Variants in CD4 observed in about 807,000 individuals in gnomAD.
CD4 encodes the protein T-cell surface glycoprotein CD4.
In CD4, 25 loss-of-function variants were observed where a neutral mutation model predicts 50.5. The observed-to-expected ratio is 0.49, with a 90% confidence interval of 0.36 to 0.69. The LOEUF (loss-of-function observed/expected upper bound fraction) is 0.69. Among genes scored for constraint, CD4 ranks in the 30% least tolerant of loss-of-function variants. The pLI, the probability that CD4 is intolerant of heterozygous loss-of-function variation, is 0.00. For synonymous variants in CD4, 207 were observed against 221.9 expected (o/e 0.93, Z 0.60); for missense variants, 456 against 548.5 (o/e 0.83, Z 1.68).
At chr12:6,797,603 G>A (rs149992500) in intron 1 of CD4, among the ~76,000 whole-genome samples, 1,667 of 152,188 alleles carry the variant, frequency 0.011, 19 homozygotes, top group Non-Finnish European at 0.012. Flanking sequence ...TACTATCTCC[G>A]CGAGGGGAAT....
rs1378865272 is a variant in CD4 at position 6,807,176 on chromosome 12, A to AAC, written c.214+6706_214+6707insCA. Reference sequence around the variant, plus strand: ...AGGGAGACTCCGTCTCAAAAAAACAAAAACAAACAAACAAAAAACATGCAA... The same window carrying AAC: ...AGGGAGACTCCGTCTCAAAAAAACAAACAAACAAACAAACAAAAAACATGCAA... On this transcript the variant is annotated intron_variant, in intron 3 of 9. Transcript: ENST00000011653. 1.9e-3 allele frequency among the ~76,000 whole-genome samples: 3 copies of AAC among 1,616 alleles called. No homozygotes were observed. In the East Asian group the frequency reaches 0.042, roughly 22 times the overall value. 1.1% of individuals were successfully genotyped at this position (1,616 alleles called of 152,430 possible).
chr12:6,815,525 A>T (rs1555117768), intron 5 of CD4, among the ~76,000 whole-genome samples: 1 of 152,130 alleles, frequency 6.6e-6, no homozygotes, highest in Admixed American at 6.6e-5. Context: ...CGCTGATTGA[A>T]ATCCTGGTTC....
chr12:6,791,173 T>C (rs961059041), intron 1 of CD4, among the ~76,000 whole-genome samples: 6 of 152,338 alleles, frequency 3.9e-5, no homozygotes, highest in Middle Eastern at 3.4e-3. Flanking sequence ...AGCCCTAGGC[T>C]CTGACCCTGG....
At chr12:6,804,717 A>G (rs1942672754) in intron 3 of CD4, among the ~76,000 whole-genome samples, 1 of 152,094 alleles carries the variant, frequency 6.6e-6, no homozygotes, top group African/African-American at 2.4e-5. Flanking sequence ...TACAAAAAGT[A>G]AAAAATTAGC....
In CD4 at chr12:6,806,163, A is replaced by C; in HGVS notation, c.214+5692A>C. 1.5e-5 allele frequency among the ~76,000 whole-genome samples: 2 copies of C among 131,892 alleles called. 1 individual carries two copies. Among genetic ancestry groups the C allele is most frequent in the South Asian group, 4.6e-4 (2 of 4,352 alleles). 86.5% of individuals were successfully genotyped at this position (131,892 alleles called of 152,430 possible). On this transcript the variant is annotated intron_variant, in intron 3 of 9. Coordinates refer to ENST00000011653, the MANE Select transcript of CD4 (RefSeq NM_000616.5). Reference sequence around the variant, plus strand: ...AAAAAAAAAAAAGGTACATACACACACACACACACACACACACACATACAC... The same window carrying C: ...AAAAAAAAAAAAGGTACATACACACCCACACACACACACACACACATACAC...
rs34435605 is a variant in CD4 at position 6,817,235 on chromosome 12, G to T, written c.1061G>T (p.Arg354Leu). The T allele has an allele frequency of 3.1e-6, 5 of 1,611,810 alleles. No individual in the cohort carries two copies. Among genetic ancestry groups the T allele is most frequent in the Non-Finnish European group, 4.2e-6 (5 of 1,178,786 alleles). The change falls in exon 7 of 10, where the codon CGG (arginine) becomes CTG (leucine). Residue 354 changes from arginine to leucine, a missense_variant. By Grantham distance (102) the Arg-to-Leu change is moderately radical (BLOSUM62 -2). Transcript: ENST00000011653. ...LENKEAKVSK[R>L]EKAVWVLNPE... is the part of the protein sequence containing the mutation. ...AACAAGGAGGCAAAGGTCTCGAAGC[G>T]GGAGAAGGCGGTGTGGGTGCTGAAC...
rs782389403 is a variant in CD4 at position 6,814,904 on chromosome 12, G to T, written c.519G>T (p.Gln173His). ...IQGGKTLSVS[Q>H]LELQDSGTWT... ...GGGGGAAGACCCTCTCCGTGTCTCA[G>T]CTGGAGCTCCAGGATAGTGGCACCT... is the stretch of plus-strand genomic sequence containing the variant. Residue 173 changes from glutamine to histidine, a missense_variant, in exon 5 of 10, where the codon CAG (glutamine) becomes CAT (histidine). Transcript: ENST00000011653. 8 of 1,613,566 alleles carry T rather than the reference G, an allele frequency of 5.0e-6. No homozygotes were observed. In the African/African-American group the frequency reaches 1.1e-4, roughly 22 times the overall value.
chr12:6,791,439 C>T (rs1266388659), intron 1 of CD4, among the ~76,000 whole-genome samples: 1 of 152,150 alleles, frequency 6.6e-6, no homozygotes, highest in Non-Finnish European at 1.5e-5. Flanking sequence ...GACCAGGTTT[C>T]ACTATGTTGG....
At position 6,792,714 on chromosome 12, in the gene CD4, G is replaced by C. The variant is rs1046779962; in HGVS notation, c.-68+3052G>C. Among the ~76,000 whole-genome samples, 15 of 152,236 alleles carry C rather than the reference G, an allele frequency of 9.9e-5. No individual in the cohort carries two copies. Among genetic ancestry groups the C allele is most frequent in the Admixed American group, 9.2e-4 (14 of 15,282 alleles). On this transcript the variant is annotated intron_variant, in intron 1 of 9. Coordinates refer to ENST00000011653, the MANE Select transcript of CD4 (RefSeq NM_000616.5). This position sits in a 1 kb window ranked among gnomAD's most constrained non-coding sequence, Gnocchi z 4.1. ...GTCCAGGGTCTGCATTGCTGCCAAA[G>C]GCCAGGAGGACTGTGTACAGACCGG... is the stretch of plus-strand genomic sequence containing the variant.
At position 6,800,269 on chromosome 12, in the gene CD4, G is replaced by A. The variant is rs11064396; in HGVS notation, c.50-38G>A. 1.2e-3 allele frequency: 1,957 copies of A among 1,611,154 alleles called. 24 individuals carry two copies. In the African/African-American group the frequency reaches 0.023, roughly 19 times the overall value. On this transcript the variant is annotated intron_variant, in intron 2 of 9. Transcript: ENST00000011653. ...GGAGGATGGGGTAGAGGGGGACAGCGGCGACATTGAGACCTGACTCCTTTC... is the reference window on the plus strand; with the variant it reads ...GGAGGATGGGGTAGAGGGGGACAGCAGCGACATTGAGACCTGACTCCTTTC...
chr12:6,817,442 G>T, intron 7 of CD4, 112 bp downstream of exon 7: 2 of 897,894 alleles, frequency 2.2e-6, no homozygotes, highest in Non-Finnish European at 1.7e-6. Context: ...GGGGTTATGG[G>T]TATGGTGTCC....
intron 5 of CD4, chr12:6,815,788 C>T: frequency 6.9e-7 from 1 of 1,439,694 alleles, no homozygotes; most frequent in Non-Finnish European, 9.2e-7. Flanking sequence ...TCCAGGAATC[C>T]TAAGGACAGC....
At chr12:6,817,435 G>A (rs1464737989) in intron 7 of CD4, 105 bp downstream of exon 7, 2 of 974,206 alleles carry the variant, frequency 2.1e-6, no homozygotes, top group Non-Finnish European at 3.1e-6. Flanking sequence ...GAGTTGGGGG[G>A]TTATGGGTAT....
chr12:6,800,282 C>T, intron 2 of CD4, 25 bp from the exon 3 acceptor site: 1 of 1,613,678 alleles, frequency 6.2e-7, no homozygotes, highest in Non-Finnish European at 8.5e-7. Context: ...GACATTGAGA[C>T]CTGACTCCTT....
chr12:6,805,224 AAAG>A (rs1212063654), intron 3 of CD4, among the ~76,000 whole-genome samples: 2 of 150,656 alleles, frequency 1.3e-5, no homozygotes, highest in African/African-American at 4.9e-5. Flanking sequence ...AAAGAAAAGA[AAAG>A]AAAAAGAAAG....
chr12:6,795,129 T>TATCG (rs1942334163), intron 1 of CD4, among the ~76,000 whole-genome samples: 1 of 151,974 alleles, frequency 6.6e-6, no homozygotes, highest in South Asian at 2.1e-4. Context: ...TCTATCTATC[T>TATCG]ATCTATCTAA....
rs1176352588 is a variant in CD4, at chr12:6,818,134, C to T, written c.1157-287C>T. On this transcript the variant is annotated intron_variant, in intron 7 of 9. Coordinates refer to ENST00000011653, the MANE Select transcript of CD4 (RefSeq NM_000616.5). This position sits in a 1 kb window ranked among gnomAD's most constrained non-coding sequence, Gnocchi z 5.0. ...CACACATTCACACCATTCACACACG[C>T]ACACACATGCACACACTCACACATG... Among the ~76,000 whole-genome samples the T allele has an allele frequency of 6.6e-6, 1 of 152,066 alleles. No homozygotes were observed. Among genetic ancestry groups the T allele is most frequent in the Non-Finnish European group, 1.5e-5 (1 of 67,980 alleles).
chr12:6,816,486 C>T lies in CD4; in HGVS notation c.955+83C>T. The T allele has an allele frequency of 2.6e-6, 3 of 1,143,536 alleles. No homozygotes were observed. The highest frequency in any genetic ancestry group is 2.5e-6 in the Non-Finnish European group (2 of 814,732). 70.8% of individuals were successfully genotyped at this position (1,143,536 alleles called of 1,614,324 possible). A position where few individuals can be genotyped will look rare whatever the true frequency, so the allele number is the denominator to read the frequency against. On this transcript the variant is annotated intron_variant, in intron 6 of 9. Transcript: ENST00000011653. This position sits in a 1 kb window ranked among gnomAD's most constrained non-coding sequence, Gnocchi z 4.9. ...AGGGCTCCCTCTGAGGCAAGCCAGG[C>T]CCCAAGAGGGGATGCCTAGGCCCTG... is the stretch of plus-strand genomic sequence containing the variant.
intron 3 of CD4, among the ~76,000 whole-genome samples, chr12:6,805,803 G>A (rs1350700842): frequency 6.6e-6 from 1 of 151,944 alleles, no homozygotes; most frequent in Non-Finnish European, 1.5e-5. Flanking sequence ...TTGGCCAGGT[G>A]TAGTGGCTTA....
Sources: gnomAD v4.1 joint callset for allele counts (sites outside exome capture counted in the v4.1 genomes callset) on GRCh38, gnomAD v4.1.1 for gene constraint, Gnocchi (gnomAD v3.1) non-coding constraint, MANE v1.5 for transcripts, NCBI Gene and HGNC (gene_info 2026-07-23, HGNC 2026-07-21) for gene names.